CCNK: variants seen among roughly 807,000 people sequenced by gnomAD.
CCNK encodes cyclin K.
CCNK carries 9 observed loss-of-function variants against 65.0 expected under a neutral mutation model. That is an observed-to-expected ratio of 0.14 (90% confidence interval 0.08 to 0.24). CCNK has a LOEUF of 0.24. Ranked by LOEUF, CCNK falls within the 10% of genes least tolerant of loss-of-function variation. The probability of loss-of-function intolerance (pLI) is 1.00; values close to 1 mark genes in which losing one functional copy is unlikely to be tolerated. For synonymous variants in CCNK, 279 were observed against 270.8 expected (o/e 1.03, Z -0.30); for missense variants, 474 against 720.0 (o/e 0.66, Z 3.91).
At chr14:99,500,677 G>A in intron 4 of CCNK, 89 bp from the exon 5 acceptor site, 1 of 854,580 alleles carries the variant, frequency 1.2e-6, no homozygotes, top group South Asian at 1.5e-5. Context: ...CTTGAAGAGA[G>A]AATAAATAGA....
chr14:99,491,947 A>G (rs963720453), intron 1 of CCNK: 1 of 152,026 alleles, frequency 6.6e-6, no homozygotes, highest in African/African-American at 2.4e-5. Context: ...TTCTCTCAGC[A>G]TGGAGCTTTT....
intron 1 of CCNK, 180 bp downstream of exon 1, chr14:99,481,659 G>C (rs1896327576): frequency 2.6e-6 from 1 of 390,054 alleles, no homozygotes; most frequent in African/African-American, 2.1e-5. Context: ...TGGGGCGGGC[G>C]TGTAGAGAGG....
chr14:99,504,237 A>T (rs569668353), intron 9 of CCNK: 1 of 194,482 alleles, frequency 5.1e-6, no homozygotes, highest in African/African-American at 2.4e-5. Context: ...CAGTCCACCT[A>T]TCATACTGAA....
chr14:99,481,465 T>C lies in CCNK; in HGVS notation c.-67T>C, dbSNP rs567836545. The C allele has an allele frequency of 6.3e-5, 25 of 398,706 alleles. No homozygotes were observed. Among genetic ancestry groups the C allele is most frequent in the African/African-American group, 4.9e-4 (24 of 48,772 alleles). The allele number at this position is 398,706 out of a possible 1,614,324, so 24.7% of individuals were successfully genotyped here. ...CAAGGAGAGACGTCGCTGAGGGGCT[T>C]GCCTGAAGCGAGGGGTGAGTGACCC... is the stretch of plus-strand genomic sequence containing the variant. On this transcript the variant is annotated 5_prime_UTR_variant, in exon 1 of 11. Coordinates refer to ENST00000389879, the MANE Select transcript of CCNK (RefSeq NM_001099402.2).
intron 10 of CCNK, chr14:99,508,318 G>C (rs1325405861): frequency 6.6e-6 from 1 of 152,312 alleles, no homozygotes; most frequent in Non-Finnish European, 1.5e-5. Context: ...CCTGGTCCGA[G>C]CCTGGGGCTG....
At chr14:99,503,317 C>G in intron 8 of CCNK, 1 of 604,326 alleles carries the variant, frequency 1.7e-6, no homozygotes, top group Non-Finnish European at 3.0e-6. Flanking sequence ...TGACCCCAAA[C>G]AGTGGACCGT....
chr14:99,488,023 CAT>C (rs1372863062), intron 1 of CCNK, among the ~76,000 whole-genome samples: 1 of 152,142 alleles, frequency 6.6e-6, no homozygotes, highest in African/African-American at 2.4e-5. Context: ...CCTGTGGACA[CAT>C]GTTCGTTTTT....
In CCNK at chr14:99,498,679, A is replaced by G. The variant is rs1211226006; in HGVS notation, c.412-2087A>G. On this transcript the variant is annotated intron_variant, in intron 4 of 10. Coordinates refer to ENST00000389879, the MANE Select transcript of CCNK (RefSeq NM_001099402.2). ...GACTCTGCAGTTGAGTGGCAGGATA[A>G]ATTTTAATCAAATGAGTATATAACT... 3.3e-5 allele frequency among the ~76,000 whole-genome samples: 5 copies of G among 152,250 alleles called. No homozygotes were observed. In the South Asian group the frequency reaches 1.0e-3, roughly 32 times the overall value.
At chr14:99,498,867 G>T (rs1198992229) in intron 4 of CCNK, among the ~76,000 whole-genome samples, 1 of 152,152 alleles carries the variant, frequency 6.6e-6, no homozygotes, top group East Asian at 1.9e-4. Flanking sequence ...CCCATTAATT[G>T]AATATTTGGA....
intron 1 of CCNK, among the ~76,000 whole-genome samples, chr14:99,490,461 T>C (rs1043087223): frequency 4.6e-5 from 7 of 152,352 alleles, no homozygotes; most frequent in African/African-American, 1.7e-4. Context: ...AACTCATCTA[T>C]CTTTACAGCT....
In CCNK at chr14:99,511,588, G is replaced by A. The variant is rs1489558232; in HGVS notation, c.*806G>A. 6.6e-6 allele frequency: 1 copy of A among 152,558 alleles called. No individual in the cohort carries two copies. The highest frequency in any genetic ancestry group is 1.5e-5 in the Non-Finnish European group (1 of 68,020). 9.5% of individuals were successfully genotyped at this position (152,558 alleles called of 1,614,324 possible). ...TCTGTGGCTTATAAAATGTGCAGAGGCCCTCCTTCCAGACCCTGGGGACGC... is the reference window on the plus strand; with the variant it reads ...TCTGTGGCTTATAAAATGTGCAGAGACCCTCCTTCCAGACCCTGGGGACGC... On this transcript the variant is annotated 3_prime_UTR_variant, in exon 11 of 11. Coordinates refer to ENST00000389879, the MANE Select transcript of CCNK (RefSeq NM_001099402.2).
intron 5 of CCNK, 68 bp from the exon 6 acceptor site, chr14:99,501,288 A>G (rs2139869954): frequency 9.6e-7 from 1 of 1,039,770 alleles, no homozygotes; most frequent in Non-Finnish European, 1.5e-6. Flanking sequence ...TAGGTTTTTA[A>G]TAAATACTTG....
At chr14:99,501,156 A>G in intron 5 of CCNK, 200 bp from the exon 6 acceptor site, 3 of 605,748 alleles carry the variant, frequency 5.0e-6, no homozygotes, top group Non-Finnish European at 8.7e-6. Context: ...GGTTTTCCAT[A>G]CATGGTGGTT....
At chr14:99,503,005 C>A in intron 8 of CCNK, 21 bp downstream of exon 8, 1 of 1,613,694 alleles carries the variant, frequency 6.2e-7, no homozygotes, top group South Asian at 1.1e-5. Flanking sequence ...TAAAGCAGGC[C>A]CTGGGTAGAG....
chr14:99,507,208 G>A, intron 10 of CCNK, 61 bp downstream of exon 10: 1 of 995,072 alleles, frequency 1.0e-6, no homozygotes, highest in South Asian at 1.3e-5. Flanking sequence ...GTTGGACGCA[G>A]CAGGTCCTGG....
intron 4 of CCNK, 166 bp from the exon 5 acceptor site, chr14:99,500,600 G>T: frequency 3.4e-6 from 2 of 584,672 alleles, no homozygotes; most frequent in Non-Finnish European, 6.1e-6. Flanking sequence ...GAATTTATCA[G>T]TGTCTCTGAG....
At chr14:99,484,644 G>A (rs1896438649) in intron 1 of CCNK, among the ~76,000 whole-genome samples, 2 of 152,138 alleles carry the variant, frequency 1.3e-5, no homozygotes, top group African/African-American at 4.8e-5. Context: ...CAGATCTAGG[G>A]GATGAACAGG....
At chr14:99,484,756 A>G (rs1227343832) in intron 1 of CCNK, among the ~76,000 whole-genome samples, 4 of 152,240 alleles carry the variant, frequency 2.6e-5, no homozygotes, top group African/African-American at 4.8e-5. Context: ...GGTTTCATTG[A>G]TAAGTGGCCA....
rs1242655843 is a variant in CCNK, at chr14:99,510,328, C to G, written c.1289C>G (p.Thr430Ser). Reference sequence around the variant, plus strand: ...CCCCCACCCCCCTCCAGCTACATGACCGGGATGTCCACCACCAGCTCCTAC... The same window carrying G: ...CCCCCACCCCCCTCCAGCTACATGAGCGGGATGTCCACCACCAGCTCCTAC... ...PPPPPPSSYM[T>S]GMSTTSSYMS... Residue 430 changes from threonine (T) to serine (S), a missense_variant, in exon 11 of 11, where the codon ACC becomes AGC. Physicochemically the swap from Thr to Ser is moderately conservative, Grantham distance 58. Around this residue, in one of 6 missense-constraint regions of CCNK, gnomAD observed 229 missense variants for 275.5 expected, o/e 0.83. Transcript: ENST00000389879. The G allele has an allele frequency of 1.6e-5, 21 of 1,332,694 alleles. No homozygotes were observed. Among genetic ancestry groups the G allele is most frequent in the Non-Finnish European group, 2.1e-5 (20 of 937,502 alleles). The allele number at this position is 1,332,694 out of a possible 1,614,324, so 82.6% of individuals were successfully genotyped here.
Sources: gnomAD v4.1 joint callset for allele counts (sites outside exome capture counted in the v4.1 genomes callset) on GRCh38, gnomAD v4.1.1 for gene constraint, gnomAD v4.1.1 regional missense constraint, MANE v1.5 for transcripts, NCBI Gene and HGNC (gene_info 2026-07-23, HGNC 2026-07-21) for gene names.